RBPJ: variants seen among roughly 807,000 people sequenced by gnomAD.
RBPJ encodes recombination signal binding protein for immunoglobulin kappa J region, also known as recombining binding protein suppressor of hairless.
RBPJ carries 9 observed loss-of-function variants against 67.8 expected under a neutral mutation model. The observed-to-expected ratio is 0.13, with a 90% CI of 0.08 to 0.23. The LOEUF is 0.23. RBPJ is among the 10% of genes least tolerant of loss of function. RBPJ has a pLI of 1.00. For missense variants in RBPJ, 305 were observed against 595.6 expected, an observed-to-expected ratio of 0.51 and a Z score of 5.08; for synonymous variants, 198 against 203.3, an observed-to-expected ratio of 0.97 and a Z score of 0.22.
chr4:26,153,450 T>G, the RBPJ span, among the ~76,000 whole-genome samples: 1 of 152,190 alleles, frequency 6.6e-6, no homozygotes, highest in Non-Finnish European at 1.5e-5. Flanking sequence ...TGTGTTTTGA[T>G]TAAAAGATTA....
chr4:26,155,827 C>T, the RBPJ span, among the ~76,000 whole-genome samples: 1 of 152,198 alleles, frequency 6.6e-6, no homozygotes, highest in African/African-American at 2.4e-5. Flanking sequence ...AGTGAAGGTA[C>T]AGAGGAGAGA....
chr4:26,220,525 A>G (rs914478144), intron 1 of RBPJ, among the ~76,000 whole-genome samples: 1 of 152,146 alleles, frequency 6.6e-6, no homozygotes, highest in Non-Finnish European at 1.5e-5. Flanking sequence ...GACAGAGTTT[A>G]TATGTTTGGT....
At chr4:26,401,085 T>G (rs1732742831) in intron 2 of RBPJ, among the ~76,000 whole-genome samples, 1 of 152,248 alleles carries the variant, frequency 6.6e-6, no homozygotes, top group Non-Finnish European at 1.5e-5. Context: ...GGTTGAAGTC[T>G]TCTTTCTAAG....
At chr4:26,222,596 G>A (rs1436381150) in intron 1 of RBPJ, among the ~76,000 whole-genome samples, 1 of 139,596 alleles carries the variant, frequency 7.2e-6, no homozygotes, top group Admixed American at 7.3e-5. Context: ...ATTATCATAT[G>A]TACCCTGAAA....
chr4:26,239,481 A>T (rs1372296768), intron 1 of RBPJ, among the ~76,000 whole-genome samples: 1 of 152,224 alleles, frequency 6.6e-6, no homozygotes, highest in Non-Finnish European at 1.5e-5. Context: ...GGCGCACAAG[A>T]GTCTCATTGA....
At chr4:26,192,074 T>A (rs1317064487) in intron 1 of RBPJ, among the ~76,000 whole-genome samples, 2 of 150,364 alleles carry the variant, frequency 1.3e-5, no homozygotes, top group African/African-American at 4.9e-5. Context: ...TGTGGCACAA[T>A]CTCAGCTCAC....
the RBPJ span, among the ~76,000 whole-genome samples, chr4:26,126,316 C>T: frequency 3.3e-5 from 5 of 150,728 alleles, no homozygotes; most frequent in Non-Finnish European, 4.4e-5. Flanking sequence ...TTTGGCTTCC[C>T]GCCCCCAACC....
At chr4:26,280,442 T>C (rs1381728543) in intron 1 of RBPJ, among the ~76,000 whole-genome samples, 2 of 150,426 alleles carry the variant, frequency 1.3e-5, no homozygotes, top group Non-Finnish European at 3.0e-5. Context: ...ATTCCATCCC[T>C]GGACAATGGT....
chr4:26,410,200 T>C (rs1733881006), intron 3 of RBPJ: 2 of 300,028 alleles, frequency 6.7e-6, no homozygotes, highest in South Asian at 5.5e-5. Flanking sequence ...TCAGGCCTTT[T>C]TGAAGAGTTG....
intron 1 of RBPJ, among the ~76,000 whole-genome samples, chr4:26,281,320 C>T (rs1290167990): frequency 4.6e-5 from 7 of 151,854 alleles, no homozygotes; most frequent in Non-Finnish European, 8.8e-5. Flanking sequence ...CTCTTGTTGC[C>T]CAGGCTGGAG....
rs80146926 is a variant in RBPJ, at chr4:26,198,558, C to A, written c.-167+34944C>A. Among the ~76,000 whole-genome samples the A allele has an allele frequency of 5.6e-3, 860 of 152,220 alleles. 14 individuals carry two copies. The highest frequency in any genetic ancestry group is 0.02 in the African/African-American group (821 of 41,532). On this transcript the variant is annotated intron_variant, in intron 1 of 4. Coordinates refer to the RBPJ transcript ENST00000512351. ...CAGGTAGCATTTATCTTGTGCCAGA[C>A]CCTGTTCTATTTGAATATATTAACT...
At position 26,209,098 on chromosome 4, in the gene RBPJ, A is replaced by AAAATAT. The variant is rs1553848907; in HGVS notation, c.-167+45485_-167+45486insAATATA. On this transcript the variant is annotated intron_variant, in intron 1 of 4. Coordinates refer to the RBPJ transcript ENST00000512351. ...ATAACCAGCATTACAGAAGAAAAAA[A>AAAATAT]ATATATATATATATATAAAAGCATT... is the stretch of plus-strand genomic sequence containing the variant. Among the ~76,000 whole-genome samples the AAAATAT allele has an allele frequency of 1.9e-3, 281 of 146,990 alleles. 1 individual carries two copies. Among genetic ancestry groups the AAAATAT allele is most frequent in the African/African-American group, 6.4e-3 (255 of 40,140 alleles).
chr4:26,255,623 A>AG (rs1195643235), intron 1 of RBPJ, among the ~76,000 whole-genome samples: 2 of 149,522 alleles, frequency 1.3e-5, no homozygotes, highest in African/African-American at 4.9e-5. Flanking sequence ...TAACACGGTG[A>AG]AACCCCGTCT....
the RBPJ span, among the ~76,000 whole-genome samples, chr4:26,109,425 C>CCTCTCTCTCT: frequency 4.4e-5 from 1 of 22,914 alleles, no homozygotes. Flanking sequence ...TCTCTCTCTC[C>CCTCTCTCTCT]CTCTCTCTCT....
At chr4:26,170,969 T>A (rs1408467806) in intron 1 of RBPJ, among the ~76,000 whole-genome samples, 1 of 152,242 alleles carries the variant, frequency 6.6e-6, no homozygotes, top group South Asian at 2.1e-4. Flanking sequence ...TAAGGTGCCA[T>A]GTAGCAGAAA....
At chr4:26,137,756 G>A in the RBPJ span, among the ~76,000 whole-genome samples, 12 of 152,276 alleles carry the variant, frequency 7.9e-5, no homozygotes, top group Admixed American at 7.8e-4. Flanking sequence ...CCTGGCCTAT[G>A]GGTCATCAAA....
intron 1 of RBPJ, among the ~76,000 whole-genome samples, chr4:26,224,428 T>C (rs1373754648): frequency 6.6e-6 from 1 of 152,108 alleles, no homozygotes; most frequent in Non-Finnish European, 1.5e-5. Flanking sequence ...TAGAGACAGG[T>C]ATCGGGGGAA....
At chr4:26,333,392 A>ATC (rs1378140976) in intron 1 of RBPJ, among the ~76,000 whole-genome samples, 1 of 152,216 alleles carries the variant, frequency 6.6e-6, no homozygotes, top group Non-Finnish European at 1.5e-5. Context: ...GGGAAGTGGT[A>ATC]TCTCTATCTA....
intron 1 of RBPJ, among the ~76,000 whole-genome samples, chr4:26,338,736 G>A (rs1049237881): frequency 6.6e-6 from 1 of 151,668 alleles, no homozygotes; most frequent in African/African-American, 2.4e-5. Context: ...CACCCTGCCC[G>A]GCTAATTTTT....
Sources: gnomAD v4.1 joint callset for allele counts (sites outside exome capture counted in the v4.1 genomes callset) on GRCh38, gnomAD v4.1.1 for gene constraint, MANE v1.5 for transcripts, NCBI Gene and HGNC (gene_info 2026-07-23, HGNC 2026-07-21) for gene names.